TRAPPC8: variants seen among roughly 807,000 people sequenced by gnomAD.
The protein encoded by TRAPPC8 is general sporulation gene 1 homolog.
Under a neutral mutation model 174.3 loss-of-function variants are expected in TRAPPC8, and 54 were observed. The observed-to-expected ratio is 0.31, with a 90% confidence interval of 0.25 to 0.39. The LOEUF (loss-of-function observed/expected upper bound fraction) is 0.39, where lower values mean the gene tolerates loss of function less well. Ranked by LOEUF, TRAPPC8 falls within the 10% of genes least tolerant of loss-of-function variation. The pLI is 1.00. For synonymous variants in TRAPPC8, 630 were observed against 579.9 expected, an observed-to-expected ratio of 1.09 and a Z score of -1.24; for missense variants, 1,531 against 1,699.1, an observed-to-expected ratio of 0.90 and a Z score of 1.74.
intron 27 of TRAPPC8, among the ~76,000 whole-genome samples, chr18:31,836,819 T>A (rs1263301951): frequency 6.9e-6 from 1 of 145,806 alleles, no homozygotes; most frequent in East Asian, 2.1e-4. Context: ...TGGACTGCAG[T>A]GGCACGATCT....
chr18:31,840,796 G>C (rs1208933994), intron 26 of TRAPPC8, among the ~76,000 whole-genome samples: 1 of 152,002 alleles, frequency 6.6e-6, no homozygotes, highest in Non-Finnish European at 1.5e-5. Context: ...AGTTGCAAAA[G>C]CAAGAGCTAA....
intron 5 of TRAPPC8, among the ~76,000 whole-genome samples, chr18:31,911,727 G>T (rs1258882524): frequency 7.3e-6 from 1 of 136,970 alleles, no homozygotes; most frequent in South Asian, 2.3e-4. Flanking sequence ...ACTGCACTCC[G>T]GCCTGGGCGA....
In TRAPPC8 at chr18:31,897,926, A is replaced by G. The variant is rs751027282; in HGVS notation, c.1491-35T>C. The G allele has an allele frequency of 2.6e-6, 4 of 1,556,648 alleles. No individual in the cohort carries two copies. In the East Asian group the frequency reaches 9.0e-5, roughly 35 times the overall value. On this transcript the variant is annotated intron_variant, in intron 10 of 28. Coordinates refer to ENST00000283351, the MANE Select transcript of TRAPPC8 (RefSeq NM_014939.5). The stretch of plus-strand genomic sequence containing the variant: ...AAAGGACAAGAAGATAAAATAGCAC[A>G]ATAATACCTTAGCACATCAAAGTAA...
chr18:31,898,243 T>A (rs973367119), intron 10 of TRAPPC8, among the ~76,000 whole-genome samples: 3 of 152,104 alleles, frequency 2.0e-5, no homozygotes, highest in African/African-American at 7.2e-5. Flanking sequence ...TTCCCAAATA[T>A]TTTTAATCTG....
In TRAPPC8 at chr18:31,942,835, G is replaced by A. The variant is rs2038410623; in HGVS notation, c.-71C>T. 4 of 1,265,386 alleles carry A rather than the reference G, an allele frequency of 3.2e-6. No homozygotes were observed. The highest frequency in any genetic ancestry group is 1.5e-5 in the African/African-American group (1 of 64,606). The allele number at this position is 1,265,386 out of a possible 1,614,324, so 78.4% of individuals were successfully genotyped here. ...GCGAGGTTATCCTGCGGCTGCAGCA[G>A]CTACCGCCGCCGCCCGCCGGCCTGG... On this transcript the variant is annotated 5_prime_UTR_variant, in exon 1 of 29. Coordinates refer to ENST00000283351, the MANE Select transcript of TRAPPC8 (RefSeq NM_014939.5).
intron 11 of TRAPPC8, 48 bp downstream of exon 11, chr18:31,897,738 A>C (rs1263535682): frequency 7.6e-7 from 1 of 1,310,812 alleles, no homozygotes; most frequent in Non-Finnish European, 1.0e-6. Context: ...TCTTTTTAAA[A>C]AAAAAAGAAC....
Position 31,857,682 on chromosome 18 carries a change from G to C in TRAPPC8, c.3046C>G (p.Pro1016Ala), listed in dbSNP as rs140440893. 2 of 1,613,994 alleles carry C rather than the reference G, an allele frequency of 1.2e-6. No individual in the cohort carries two copies. Among genetic ancestry groups the C allele is most frequent in the African/African-American group, 2.7e-5 (2 of 74,906 alleles). ...IGTGSQPEVIPVPLPDTVLLP... is the reference protein window; with the variant it reads ...IGTGSQPEVIAVPLPDTVLLP... ...AGAACAGTGTCAGGAAGGGGAACAG[G>C]AATCACCTCTGGTTGACTTCCTGTG... is the stretch of plus-strand genomic sequence containing the variant. Residue 1016 changes from proline to alanine, a missense_variant, in exon 20 of 29, where the codon CCT becomes GCT. Physicochemically the swap from Pro to Ala is conservative, Grantham distance 27 (BLOSUM62 -1). Transcript: ENST00000283351.
Position 31,829,982 on chromosome 18 carries a change from TTATAAA to T in TRAPPC8, c.*767_*772del, listed in dbSNP as rs1430001874. The stretch of plus-strand genomic sequence containing the variant: ...CTTTATTCTATTTACAGTATATTTG[TTATAAA>T]TATAATACATTTTTGAAAAGCTTAT... On this transcript the variant is annotated 3_prime_UTR_variant, in exon 29 of 29. Coordinates refer to ENST00000283351, the MANE Select transcript of TRAPPC8 (RefSeq NM_014939.5). 6.6e-6 allele frequency: 1 copy of T among 152,652 alleles called. No homozygotes were observed. The highest frequency in any genetic ancestry group is 1.5e-5 in the Non-Finnish European group (1 of 68,030). The allele number at this position is 152,652 out of a possible 1,614,324, so 9.5% of individuals were successfully genotyped here. A position where few individuals can be genotyped will look rare whatever the true frequency, so the allele number is the denominator to read the frequency against.
intron 1 of TRAPPC8, among the ~76,000 whole-genome samples, chr18:31,940,124 T>C (rs2038266679): frequency 6.6e-6 from 1 of 152,262 alleles, no homozygotes; most frequent in Admixed American, 6.5e-5. Context: ...TTTTTCACAT[T>C]GATTACACAT....
chr18:31,893,320 C>A (rs1428326435), intron 11 of TRAPPC8, among the ~76,000 whole-genome samples: 1 of 152,012 alleles, frequency 6.6e-6, no homozygotes, highest in African/African-American at 2.4e-5. Flanking sequence ...TTACATCAAA[C>A]TAAGAAAGGA....
rs758349666 is a variant in TRAPPC8 at position 31,857,599 on chromosome 18, A to G, written c.3129T>C (p.Gly1043=). The G allele has an allele frequency of 1.0e-4, 164 of 1,611,824 alleles. No individual in the cohort carries two copies. The highest frequency in any genetic ancestry group is 1.3e-4 in the Non-Finnish European group (155 of 1,179,318). ...PMWLRGPDEE[G]VHEINFLFYY... ...AAAACAAAAAGTTAATTTCATGGAC[A>G]CCTTCTTCATCAGGCCCACGTAACC... The change falls in exon 20 of 29, where the codon GGT becomes GGC. Residue 1043 remains glycine (G), a synonymous_variant. Coordinates refer to ENST00000283351, the MANE Select transcript of TRAPPC8 (RefSeq NM_014939.5).
intron 2 of TRAPPC8, among the ~76,000 whole-genome samples, chr18:31,929,349 G>C (rs116641175): frequency 0.011 from 1,654 of 152,138 alleles, 30 homozygotes; most frequent in African/African-American, 0.038. Flanking sequence ...AACATAGTGA[G>C]ACCCTGTCTC....
chr18:31,911,739 A>C (rs1169367111), intron 5 of TRAPPC8, among the ~76,000 whole-genome samples: 1 of 131,722 alleles, frequency 7.6e-6, no homozygotes, highest in East Asian at 2.5e-4. Flanking sequence ...CCTGGGCGAT[A>C]GAGTAAGACT....
intron 26 of TRAPPC8, among the ~76,000 whole-genome samples, chr18:31,839,784 T>C (rs181775433): frequency 1.0e-3 from 159 of 152,326 alleles, no homozygotes; most frequent in African/African-American, 3.7e-3. Flanking sequence ...AAGAAGTTCA[T>C]GACAATAATA....
In TRAPPC8 at chr18:31,901,004, A is replaced by G. The variant is rs2036398617; in HGVS notation, c.1411T>C (p.Phe471Leu). 1 of 1,588,180 alleles carries G rather than the reference A, an allele frequency of 6.3e-7. No homozygotes were observed. The highest frequency in any genetic ancestry group is 8.5e-7 in the Non-Finnish European group (1 of 1,173,044). Residue 471 changes from phenylalanine (F) to leucine (L), a missense_variant, in exon 10 of 29, where the codon TTT (phenylalanine) becomes CTT (leucine). Coordinates refer to ENST00000283351, the MANE Select transcript of TRAPPC8 (RefSeq NM_014939.5). ...GALEMAAVSA[F>L]LQPGAPRPYP... ...GGCCTAGGTGCTCCTGGTTGAAGAA[A>G]AGCAGACACTGCTGCCATTTCCTAA...
intron 12 of TRAPPC8, among the ~76,000 whole-genome samples, chr18:31,877,544 C>T (rs929692336): frequency 3.0e-5 from 4 of 132,692 alleles, no homozygotes; most frequent in African/African-American, 1.2e-4. Context: ...CCCCGGGGGG[C>T]GGAGCCTGCA....
intron 2 of TRAPPC8, among the ~76,000 whole-genome samples, chr18:31,918,761 T>C (rs937750909): frequency 1.3e-5 from 2 of 152,356 alleles, no homozygotes; most frequent in South Asian, 2.1e-4. Flanking sequence ...ATGTATATAA[T>C]GTGATTCTTA....
chr18:31,833,977 G>A (rs1187849585), intron 27 of TRAPPC8, among the ~76,000 whole-genome samples: 1 of 145,278 alleles, frequency 6.9e-6, no homozygotes, highest in Non-Finnish European at 1.5e-5. Flanking sequence ...ACTCGAGCCT[G>A]GGTGACAGAG....
chr18:31,830,996 G>T lies in TRAPPC8; in HGVS notation c.4074-7C>A, dbSNP rs750186168. ...GATTTCCAGTGCTTCTGGACTAAGGGAGGAGGAAAATGTAAGTTGCAGGAT... is the reference window on the plus strand; with the variant it reads ...GATTTCCAGTGCTTCTGGACTAAGGTAGGAGGAAAATGTAAGTTGCAGGAT... On this transcript the variant is annotated splice_region_variant and splice_polypyrimidine_tract_variant and intron_variant, in intron 28 of 28. Transcript: ENST00000283351. 1.3e-6 allele frequency: 2 copies of T among 1,588,824 alleles called. No individual in the cohort carries two copies. The highest frequency in any genetic ancestry group is 1.1e-5 in the South Asian group (1 of 87,982).
Sources: gnomAD v4.1 joint callset for allele counts (sites outside exome capture counted in the v4.1 genomes callset) on GRCh38, gnomAD v4.1.1 for gene constraint, MANE v1.5 for transcripts, NCBI Gene and HGNC (gene_info 2026-07-23, HGNC 2026-07-21) for gene names.